NEBL: variants seen among roughly 807,000 people sequenced by gnomAD.
NEBL encodes the protein nebulette.
A neutral mutation model predicts 140.2 loss-of-function variants in NEBL; 122 were observed. The observed-to-expected ratio is 0.87, with a 90% CI of 0.75 to 1.01. NEBL has a LOEUF of 1.01. Among genes scored for constraint, NEBL ranks in the 50% least tolerant of loss-of-function variants. NEBL has a pLI of 0.00. For missense variants in NEBL, 1,365 were observed against 1,231.3 expected (o/e 1.11, Z -1.62); for synonymous variants, 436 against 398.9 (o/e 1.09, Z -1.11).
At chr10:20,865,798 C>A (rs1419203358) in intron 7 of NEBL, among the ~76,000 whole-genome samples, 1 of 152,142 alleles carries the variant, frequency 6.6e-6, no homozygotes, top group Non-Finnish European at 1.5e-5. Context: ...AACTGTAAAA[C>A]AATTACTATG....
intron 3 of NEBL, among the ~76,000 whole-genome samples, chr10:20,969,819 C>T (rs550078672): frequency 2.6e-4 from 40 of 152,056 alleles, no homozygotes; most frequent in African/African-American, 8.9e-4. Context: ...TGCTGAGATT[C>T]CAGGTGTGAG....
At chr10:20,908,320 T>C (rs933520770) in intron 4 of NEBL, among the ~76,000 whole-genome samples, 7 of 152,236 alleles carry the variant, frequency 4.6e-5, no homozygotes. Context: ...CTGGTAGTGA[T>C]ATTACTTTCT....
chr10:21,067,748 A>G (rs1835632510), intron 2 of NEBL, among the ~76,000 whole-genome samples: 1 of 152,132 alleles, frequency 6.6e-6, no homozygotes, highest in South Asian at 2.1e-4. Context: ...AGGCTGAGGC[A>G]GGCAGATCGC....
At chr10:20,800,751 T>G (rs568468178) in intron 26 of NEBL, among the ~76,000 whole-genome samples, 1 of 152,092 alleles carries the variant, frequency 6.6e-6, no homozygotes, top group African/African-American at 2.4e-5. Flanking sequence ...TCTACATCAT[T>G]AATCCCTCTA....
intron 4 of NEBL, among the ~76,000 whole-genome samples, chr10:20,885,884 G>A (rs909339962): frequency 6.6e-6 from 1 of 152,140 alleles, no homozygotes; most frequent in Non-Finnish European, 1.5e-5. Context: ...GCAGAACGTT[G>A]ACATCATATA....
intron 1 of NEBL, among the ~76,000 whole-genome samples, chr10:21,257,029 C>G (rs1436222175): frequency 6.6e-6 from 1 of 152,188 alleles, no homozygotes; most frequent in African/African-American, 2.4e-5. Context: ...AATAACAACA[C>G]TATGAAAATT....
intron 4 of NEBL, among the ~76,000 whole-genome samples, chr10:20,954,836 G>A (rs11012416): frequency 0.038 from 5,809 of 152,258 alleles, 387 homozygotes; most frequent in East Asian, 0.3. Context: ...TAGCCTCTGA[G>A]CCAGTGTGGA....
intron 2 of NEBL, among the ~76,000 whole-genome samples, chr10:21,088,468 G>A (rs947297392): frequency 2.6e-5 from 4 of 152,124 alleles, no homozygotes; most frequent in Non-Finnish European, 4.4e-5. Context: ...TGGTTGTCAC[G>A]GTGAGATTCT....
chr10:20,897,226 A>T lies in NEBL; in HGVS notation c.-21T>A. The T allele has an allele frequency of 6.5e-7, 1 of 1,541,924 alleles. No homozygotes were observed. Among genetic ancestry groups the T allele is most frequent in the South Asian group, 1.2e-5 (1 of 82,648 alleles). ...CTCATTTTTACCCTTTAAAATATTT[A>T]TATTTTTAAAATTTACTCATGTGGC... On this transcript the variant is annotated 5_prime_UTR_variant, in exon 1 of 28. Transcript: ENST00000377122.
chr10:21,010,690 C>T (rs1175131476), intron 3 of NEBL, among the ~76,000 whole-genome samples: 1 of 152,150 alleles, frequency 6.6e-6, no homozygotes, highest in Non-Finnish European at 1.5e-5. Flanking sequence ...TACTCTACTT[C>T]TACATAGAAA....
intron 3 of NEBL, among the ~76,000 whole-genome samples, chr10:21,221,581 T>G (rs1842068010): frequency 6.6e-6 from 1 of 152,052 alleles, no homozygotes; most frequent in Admixed American, 6.5e-5. Flanking sequence ...CTCGGCTCAC[T>G]GCAAGCTCTA....
At chr10:21,052,951 G>A (rs1834841282) in intron 2 of NEBL, among the ~76,000 whole-genome samples, 1 of 152,188 alleles carries the variant, frequency 6.6e-6, no homozygotes, top group Admixed American at 6.5e-5. Flanking sequence ...TGACAGCACA[G>A]TAGGGTGACT....
chr10:20,941,173 T>G (rs149737880), intron 4 of NEBL, among the ~76,000 whole-genome samples: 3,214 of 152,256 alleles, frequency 0.021, 96 homozygotes, highest in African/African-American at 0.072. Context: ...TGAACATTGA[T>G]GCAAAAATCC....
At chr10:21,053,208 T>C (rs1834854062) in intron 2 of NEBL, among the ~76,000 whole-genome samples, 1 of 152,238 alleles carries the variant, frequency 6.6e-6, no homozygotes, top group Non-Finnish European at 1.5e-5. Context: ...ACAACGTTCT[T>C]TCCCCCCTAC....
chr10:20,798,190 G>A (rs922977427), intron 26 of NEBL, among the ~76,000 whole-genome samples: 11 of 151,866 alleles, frequency 7.2e-5, no homozygotes, highest in East Asian at 3.9e-4. Flanking sequence ...AGCAAATCTC[G>A]CCACAAGGGA....
chr10:21,261,330 G>A (rs1328310810), intron 1 of NEBL, among the ~76,000 whole-genome samples: 3 of 152,262 alleles, frequency 2.0e-5, no homozygotes, highest in South Asian at 4.2e-4. Context: ...TGAACCTCAT[G>A]ATGGAAGTTT....
At chr10:21,223,428 A>T (rs1842101026) in intron 3 of NEBL, among the ~76,000 whole-genome samples, 1 of 152,114 alleles carries the variant, frequency 6.6e-6, no homozygotes, top group South Asian at 2.1e-4. Flanking sequence ...TATGTACCAC[A>T]TTTTCTTTTT....
At chr10:21,190,067 TTA>T (rs1363165987) in intron 3 of NEBL, among the ~76,000 whole-genome samples, 1 of 152,186 alleles carries the variant, frequency 6.6e-6, no homozygotes, top group Non-Finnish European at 1.5e-5. Flanking sequence ...CCCTAATAAA[TTA>T]TAAATTCTTC....
intron 2 of NEBL, among the ~76,000 whole-genome samples, chr10:21,157,413 AC>A (rs770488907): frequency 1.3e-4 from 20 of 152,268 alleles, no homozygotes; most frequent in Non-Finnish European, 2.2e-4. Flanking sequence ...TACCAAAAAT[AC>A]AAAAAATTAG....
Sources: allele counts gnomAD v4.1 joint callset (sites outside exome capture counted in the v4.1 genomes callset), GRCh38; gene constraint gnomAD v4.1.1; transcripts MANE v1.5; gene names NCBI Gene and HGNC (gene_info 2026-07-23, HGNC 2026-07-21).